CDH11: variants seen among roughly 807,000 people sequenced by gnomAD.
CDH11 encodes cadherin 11.
Under a neutral mutation model 67.8 loss-of-function variants are expected in CDH11, and 11 were observed. That is an observed-to-expected ratio of 0.16 (90% CI 0.10 to 0.27). CDH11 has a LOEUF of 0.27. Ranked by LOEUF, CDH11 falls within the 10% of genes least tolerant of loss-of-function variation. The pLI is 1.00. For synonymous variants in CDH11, 419 were observed against 400.0 expected, an observed-to-expected ratio of 1.05 and a Z score of -0.57; for missense variants, 847 against 1,031.2, an observed-to-expected ratio of 0.82 and a Z score of 2.45.
At chr16:64,959,618 G>A (rs867568128) in intron 11 of CDH11, among the ~76,000 whole-genome samples, 3 of 152,098 alleles carry the variant, frequency 2.0e-5, no homozygotes, top group African/African-American at 4.8e-5. Context: ...CTGCAGCAAT[G>A]AATTTTAGGC....
At chr16:64,961,975 T>A (rs1260924147) in intron 11 of CDH11, among the ~76,000 whole-genome samples, 2 of 152,162 alleles carry the variant, frequency 1.3e-5, no homozygotes, top group Admixed American at 1.3e-4. Flanking sequence ...ACTCAAGAAC[T>A]AATTTCCCTA....
intron 11 of CDH11, among the ~76,000 whole-genome samples, chr16:64,951,271 A>C (rs745534827): frequency 6.6e-6 from 1 of 152,196 alleles, no homozygotes; most frequent in Non-Finnish European, 1.5e-5. Flanking sequence ...CCATTGAAGA[A>C]TGGGCAAGAG....
At chr16:65,020,142 G>A (rs553468623) in intron 2 of CDH11, among the ~76,000 whole-genome samples, 222 of 152,214 alleles carry the variant, frequency 1.5e-3, no homozygotes, top group African/African-American at 5.0e-3. Flanking sequence ...CAGCAAAGCC[G>A]GGGACATGGC....
chr16:65,116,455 G>C (rs530687641), intron 1 of CDH11, among the ~76,000 whole-genome samples: 4 of 152,310 alleles, frequency 2.6e-5, no homozygotes, highest in Admixed American at 2.6e-4. Flanking sequence ...CTTCAAGAGA[G>C]CTGAATGTGG....
In CDH11 at chr16:65,115,416, TG is replaced by T. The variant is rs11310862; in HGVS notation, c.-298+6463del. ...CAATGCAAGATTTCTGGCCTTATAA[TG>T]GATAAGAAAGAACTGCTACCTGTTC... On this transcript the variant is annotated intron_variant, in intron 1 of 12. Transcript: ENST00000268603. Among the ~76,000 whole-genome samples the T allele has an allele frequency of 4.0e-3, 614 of 152,252 alleles. 6 individuals carry two copies. The highest frequency in any genetic ancestry group is 0.014 in the African/African-American group (584 of 41,542).
chr16:64,947,819 T>C lies in CDH11; in HGVS notation c.2175A>G (p.Ile725Met). 6.2e-7 allele frequency: 1 copy of C among 1,614,138 alleles called. No individual in the cohort carries two copies. The highest frequency in any genetic ancestry group is 8.5e-7 in the Non-Finnish European group (1 of 1,180,008). The change falls in exon 13 of 13, where the codon ATA becomes ATG. Residue 725 changes from isoleucine to methionine, a missense_variant. Ile to Met is a conservative substitution (Grantham distance 10, BLOSUM62 1). This residue lies in a region of CDH11 where 612 missense variants were observed against 678.7 expected (regional missense o/e 0.90). Coordinates refer to ENST00000268603, the MANE Select transcript of CDH11 (RefSeq NM_001797.4). ...CCGTGGGGTCATTGTCTGCCTCCTG[T>C]ATTCTCGTGTTGATGAAGTCATCGA... ...VDVDDFINTR[I>M]QEADNDPTAP...
intron 2 of CDH11, among the ~76,000 whole-genome samples, chr16:65,027,463 C>T (rs1255178753): frequency 6.6e-6 from 1 of 152,198 alleles, no homozygotes; most frequent in East Asian, 1.9e-4. Context: ...AAATGTACAA[C>T]TCATACACCA....
rs1279630259 is a variant in CDH11, at chr16:65,121,198, C to A, written c.-298+682G>T. 6.6e-6 allele frequency among the ~76,000 whole-genome samples: 1 copy of A among 152,206 alleles called. No homozygotes were observed. Among genetic ancestry groups the A allele is most frequent in the African/African-American group, 2.4e-5 (1 of 41,466 alleles). Reference sequence around the variant, plus strand: ...GCGCTGGTGGGAGCTTACAAACGGGCGCCAGAGCTCCCGCAGAGACTCGGG... The same window carrying A: ...GCGCTGGTGGGAGCTTACAAACGGGAGCCAGAGCTCCCGCAGAGACTCGGG... On this transcript the variant is annotated intron_variant, in intron 1 of 12. Coordinates refer to ENST00000268603, the MANE Select transcript of CDH11 (RefSeq NM_001797.4). The surrounding 1 kb of genome is among the most constrained non-coding windows in gnomAD (Gnocchi z 4.1).
At chr16:65,017,520 C>A (rs2073335627) in intron 2 of CDH11, among the ~76,000 whole-genome samples, 1 of 152,092 alleles carries the variant, frequency 6.6e-6, no homozygotes, top group Non-Finnish European at 1.5e-5. Flanking sequence ...TTAACAAGTG[C>A]TCAATATAAG....
chr16:65,022,994 A>C (rs536879495), intron 2 of CDH11, among the ~76,000 whole-genome samples: 3 of 152,342 alleles, frequency 2.0e-5, no homozygotes, highest in African/African-American at 7.2e-5. Context: ...CAAAGCAAAG[A>C]CTACAAATGT....
At chr16:65,070,063 CTGAGTA>C (rs1597156432) in intron 1 of CDH11, among the ~76,000 whole-genome samples, 1 of 152,186 alleles carries the variant, frequency 6.6e-6, no homozygotes, top group East Asian at 1.9e-4. Context: ...ATCAGAGCTG[CTGAGTA>C]TAAGTCCAGA....
chr16:65,011,095 TTTTA>T (rs763144003), intron 2 of CDH11, among the ~76,000 whole-genome samples: 21,776 of 132,744 alleles, frequency 0.16, 2,198 homozygotes, highest in East Asian at 0.42. Context: ...CACACATATT[TTTTA>T]TATATATATA....
intron 5 of CDH11, 145 bp downstream of exon 5, chr16:64,992,770 T>C: frequency 1.6e-6 from 1 of 607,338 alleles, no homozygotes; most frequent in Non-Finnish European, 2.7e-6. Context: ...ACAGGCCAAG[T>C]ATCTAATCCT....
At chr16:64,991,983 T>C in intron 5 of CDH11, 48 bp from the exon 6 acceptor site, 1 of 1,404,000 alleles carries the variant, frequency 7.1e-7, no homozygotes, top group Non-Finnish European at 9.8e-7. Flanking sequence ...TATAACATTA[T>C]GACAACAAGA....
chr16:64,998,438 TG>T, intron 4 of CDH11, 123 bp downstream of exon 4: 2 of 911,334 alleles, frequency 2.2e-6, no homozygotes, highest in Non-Finnish European at 3.4e-6. Context: ...TTGTTCCTTT[TG>T]TTATTTTGCC....
chr16:65,032,201 A>G (rs1335701879), intron 2 of CDH11, among the ~76,000 whole-genome samples: 1 of 152,056 alleles, frequency 6.6e-6, no homozygotes, highest in Non-Finnish European at 1.5e-5. Context: ...CAAACAAAAG[A>G]ATCAGAGTGG....
At chr16:64,972,826 A>G in intron 9 of CDH11, 78 bp downstream of exon 9, 2 of 1,476,754 alleles carry the variant, frequency 1.4e-6, no homozygotes, top group Non-Finnish European at 1.9e-6. Flanking sequence ...TATCTCAGCT[A>G]TTTTACTTTC....
At chr16:65,037,607 C>T (rs1356985546) in intron 2 of CDH11, among the ~76,000 whole-genome samples, 5 of 152,134 alleles carry the variant, frequency 3.3e-5, no homozygotes, top group African/African-American at 1.2e-4. Context: ...AACCACCCTC[C>T]TCTCTCCCCT....
chr16:65,096,007 C>T (rs538840695), intron 1 of CDH11, among the ~76,000 whole-genome samples: 3 of 152,234 alleles, frequency 2.0e-5, no homozygotes, highest in Admixed American at 1.3e-4. Context: ...TAAATTCCAG[C>T]CATATGCAAT....
Sources: allele counts gnomAD v4.1 joint callset (sites outside exome capture counted in the v4.1 genomes callset), GRCh38; gene constraint gnomAD v4.1.1; regional missense constraint gnomAD v4.1.1; non-coding constraint Gnocchi (gnomAD v3.1); transcripts MANE v1.5; gene names NCBI Gene and HGNC (gene_info 2026-07-23, HGNC 2026-07-21).